SLCO1A2: variants seen among roughly 807,000 people sequenced by gnomAD.
SLCO1A2 encodes the protein solute carrier organic anion transporter family member 1A2, also known as OATP-1.
A neutral mutation model predicts 69.0 loss-of-function variants in SLCO1A2; 67 were observed. The observed-to-expected ratio is 0.97, with a 90% confidence interval of 0.80 to 1.19. The LOEUF (loss-of-function observed/expected upper bound fraction) is 1.19, where lower values mean the gene tolerates loss of function less well. Ranked by LOEUF, SLCO1A2 falls within the 50% of genes most tolerant of loss-of-function variation. SLCO1A2 has a pLI of 0.00. For synonymous variants in SLCO1A2, 260 were observed against 265.9 expected, an observed-to-expected ratio of 0.98 and a Z score of 0.22; for missense variants, 787 against 793.7, an observed-to-expected ratio of 0.99 and a Z score of 0.10.
At chr12:21,397,016 A>G (rs1457566162), upstream of SLCO1A2, among the ~76,000 whole-genome samples, 1 of 151,808 alleles carries the variant, frequency 6.6e-6, no homozygotes, top group South Asian at 2.1e-4. Context: ...AAATTCACAC[A>G]TAACAATATT....
intron 1 of SLCO1A2, among the ~76,000 whole-genome samples, chr12:21,382,261 A>T (rs1940632316): frequency 6.6e-6 from 1 of 152,174 alleles, no homozygotes; most frequent in Non-Finnish European, 1.5e-5. Flanking sequence ...TCTCACTTAC[A>T]AGGGGGAGCT....
chr12:21,325,045 G>C (rs1285863462), intron 2 of SLCO1A2, among the ~76,000 whole-genome samples: 1 of 152,132 alleles, frequency 6.6e-6, no homozygotes, highest in Non-Finnish European at 1.5e-5. Context: ...CTCTAGTCTA[G>C]TATTTGTCAT....
chr12:21,337,009 G>C (rs1189534380), upstream of SLCO1A2, among the ~76,000 whole-genome samples: 2 of 151,992 alleles, frequency 1.3e-5, no homozygotes, highest in Non-Finnish European at 2.9e-5. Flanking sequence ...ACAAACGTTG[G>C]ATTTCTTCCA....
chr12:21,333,750 A>G (rs1167619268), intron 2 of SLCO1A2, among the ~76,000 whole-genome samples: 1 of 152,094 alleles, frequency 6.6e-6, no homozygotes, highest in Admixed American at 6.6e-5. Context: ...AAAGAATCCT[A>G]TAAGGTGGGA....
At chr12:21,419,043 T>C (rs938625529), upstream of SLCO1A2, 6 of 152,174 alleles carry the variant, frequency 3.9e-5, no homozygotes, top group East Asian at 1.9e-4. Flanking sequence ...GTGAGGCTAA[T>C]AATTCAGGAT....
At chr12:21,272,740 C>A (rs1397236974) in intron 14 of SLCO1A2, among the ~76,000 whole-genome samples, 1 of 152,026 alleles carries the variant, frequency 6.6e-6, no homozygotes, top group African/African-American at 2.4e-5. Flanking sequence ...TTTTAACCAG[C>A]AAGTTTAACC....
chr12:21,302,328 T>C (rs1266878909), intron 6 of SLCO1A2, among the ~76,000 whole-genome samples: 1 of 152,158 alleles, frequency 6.6e-6, no homozygotes. Flanking sequence ...TTATTTGACA[T>C]TGCTGGCCAA....
intron 2 of SLCO1A2, among the ~76,000 whole-genome samples, chr12:21,320,127 C>G (rs1951414710): frequency 6.6e-6 from 1 of 152,102 alleles, no homozygotes; most frequent in Non-Finnish European, 1.5e-5. Flanking sequence ...CTACTATTTA[C>G]CTAGCACACT....
chr12:21,382,464 C>A (rs1367438560), intron 1 of SLCO1A2, among the ~76,000 whole-genome samples: 1 of 151,968 alleles, frequency 6.6e-6, no homozygotes, highest in Admixed American at 6.6e-5. Context: ...ACCACTTGTA[C>A]CCCAAAAGCT....
At chr12:21,361,309 C>T (rs1281509542) in intron 2 of SLCO1A2, among the ~76,000 whole-genome samples, 1 of 152,198 alleles carries the variant, frequency 6.6e-6, no homozygotes, top group Non-Finnish European at 1.5e-5. Flanking sequence ...TCCAACAGAC[C>T]TGCAGTTGAG....
Position 21,267,106 on chromosome 12 carries a change from AG to A in SLCO1A2, c.*2441del, listed in dbSNP as rs1224081228. ...CAGGCTTCATGTATACCAACAAAAG[AG>A]GTCATGAGGGATCCCAAAGCACTCC... On this transcript the variant is annotated 3_prime_UTR_variant, in exon 15 of 15. Transcript: ENST00000683939. The A allele has an allele frequency of 1.3e-5, 2 of 152,122 alleles. No individual in the cohort carries two copies. The highest frequency in any genetic ancestry group is 4.1e-4 in the South Asian group (2 of 4,836). 9.4% of individuals were successfully genotyped at this position (152,122 alleles called of 1,614,324 possible). A position where few individuals can be genotyped will look rare whatever the true frequency, so the allele number is the denominator to read the frequency against.
chr12:21,335,677 T>C (rs1952859147), upstream of SLCO1A2, among the ~76,000 whole-genome samples: 1 of 152,132 alleles, frequency 6.6e-6, no homozygotes, highest in Non-Finnish European at 1.5e-5. Flanking sequence ...TGAATGGCAC[T>C]AATTTTTTAA....
chr12:21,301,158 T>C lies in SLCO1A2; in HGVS notation c.688+13A>G. On this transcript the variant is annotated intron_variant, in intron 7 of 14. Transcript: ENST00000683939. ...TAGTCTAGACACTGTACAAATAGAT[T>C]TTATTGAATTACCTGTGTTCACAAA... 6.4e-7 allele frequency: 1 copy of C among 1,574,176 alleles called. No individual in the cohort carries two copies. The highest frequency in any genetic ancestry group is 8.7e-7 in the Non-Finnish European group (1 of 1,145,890).
rs1942013279 is a variant in SLCO1A2, at chr12:21,265,831, AG to A, written c.*3716del. 1 of 152,150 alleles carries A rather than the reference AG, an allele frequency of 6.6e-6. No homozygotes were observed. The highest frequency in any genetic ancestry group is 2.1e-4 in the South Asian group (1 of 4,830). 9.4% of individuals were successfully genotyped at this position (152,150 alleles called of 1,614,324 possible). A position where few individuals can be genotyped will look rare whatever the true frequency, so the allele number is the denominator to read the frequency against. On this transcript the variant is annotated 3_prime_UTR_variant, in exon 15 of 15. Transcript: ENST00000683939. Reference sequence around the variant, plus strand: ...TAAATTTGAGGGATCTAAGAATGCCAGAACAGGAATTCTCCAGGCCCAGTAA... The same window carrying A: ...TAAATTTGAGGGATCTAAGAATGCCAAACAGGAATTCTCCAGGCCCAGTAA...
At chr12:21,397,388 C>T (rs943313886), upstream of SLCO1A2, among the ~76,000 whole-genome samples, 5 of 152,102 alleles carry the variant, frequency 3.3e-5, no homozygotes, top group African/African-American at 1.2e-4. Context: ...CCTGAGTGAC[C>T]TACAAAGAGA....
chr12:21,364,885 C>G (rs1281446019), intron 2 of SLCO1A2, among the ~76,000 whole-genome samples: 1 of 151,928 alleles, frequency 6.6e-6, no homozygotes, highest in Non-Finnish European at 1.5e-5. Context: ...CACTGCTCAG[C>G]AAAATAAAAC....
At chr12:21,331,634 C>A (rs1565503728) in intron 2 of SLCO1A2, among the ~76,000 whole-genome samples, 3 of 151,274 alleles carry the variant, frequency 2.0e-5, no homozygotes, top group East Asian at 3.9e-4. Context: ...AAAAAAAAAA[C>A]CCAACTCAGC....
At chr12:21,294,279 C>T (rs1947372625) in intron 10 of SLCO1A2, 169 bp from the exon 11 acceptor site, 1 of 488,764 alleles carries the variant, frequency 2.0e-6, no homozygotes, top group South Asian at 3.7e-5. Context: ...ATAAAAGAGA[C>T]CTGCTTTGAT....
chr12:21,338,736 G>A (rs1678165132), upstream of SLCO1A2, among the ~76,000 whole-genome samples: 1 of 151,700 alleles, frequency 6.6e-6, no homozygotes, highest in South Asian at 2.1e-4. Context: ...ACAAACATAT[G>A]TATTTCCATT....
Sources: gnomAD v4.1 joint callset for allele counts (sites outside exome capture counted in the v4.1 genomes callset) on GRCh38, gnomAD v4.1.1 for gene constraint, MANE v1.5 for transcripts, NCBI Gene and HGNC (gene_info 2026-07-23, HGNC 2026-07-21) for gene names.